The following RNF111 variants were observed in gnomAD, a reference collection of about 807,000 sequenced individuals.
RNF111 encodes the protein E3 ubiquitin-protein ligase Arkadia.
RNF111 carries 17 observed loss-of-function variants against 95.1 expected under a neutral mutation model. That is an observed-to-expected ratio of 0.18 (90% CI 0.12 to 0.27). RNF111 has a LOEUF of 0.27. Ranked by LOEUF, RNF111 falls within the 10% of genes least tolerant of loss-of-function variation. The pLI, the probability that RNF111 is intolerant of heterozygous loss-of-function variation, is 1.00. For missense variants in RNF111, 1,189 were observed against 1,210.4 expected (o/e 0.98, Z 0.26); for synonymous variants, 440 against 414.8 (o/e 1.06, Z -0.74).
chr15:59,023,213 A>C (rs1354138572), intron 1 of RNF111, among the ~76,000 whole-genome samples: 1 of 152,128 alleles, frequency 6.6e-6, no homozygotes, highest in African/African-American at 2.4e-5. Context: ...ACACCACTGC[A>C]CTCCCGCCTG....
intron 5 of RNF111, among the ~76,000 whole-genome samples, chr15:59,066,197 CAT>C (rs1490592807): frequency 1.3e-5 from 2 of 152,176 alleles, no homozygotes; most frequent in African/African-American, 4.8e-5. Context: ...CATAGGAAAA[CAT>C]GATCTATTGC....
intron 6 of RNF111, among the ~76,000 whole-genome samples, chr15:59,068,142 C>T (rs1313133961): frequency 6.6e-6 from 1 of 151,980 alleles, no homozygotes; most frequent in East Asian, 1.9e-4. Context: ...ATTGCTTGAA[C>T]CCGGGAGGCT....
At chr15:59,041,525 C>T (rs1366190355) in intron 2 of RNF111, among the ~76,000 whole-genome samples, 6 of 152,082 alleles carry the variant, frequency 3.9e-5, no homozygotes, top group African/African-American at 1.4e-4. Context: ...TGTGCCACTG[C>T]ACTCCAGCCT....
chr15:59,047,254 G>C (rs1319047093), intron 2 of RNF111, among the ~76,000 whole-genome samples: 5 of 152,188 alleles, frequency 3.3e-5, no homozygotes, highest in Non-Finnish European at 7.3e-5. Flanking sequence ...CTAGCACTTT[G>C]GGAGTCCAAG....
intron 1 of RNF111, among the ~76,000 whole-genome samples, chr15:58,999,376 C>T (rs2039226417): frequency 6.6e-6 from 1 of 152,122 alleles, no homozygotes; most frequent in South Asian, 2.1e-4. Flanking sequence ...CACACTGTCA[C>T]CCAGGCTGGA....
At chr15:59,092,671 T>A (rs761526904) in intron 13 of RNF111, 31 bp downstream of exon 13, 25 of 1,570,982 alleles carry the variant, frequency 1.6e-5, no homozygotes, top group Non-Finnish European at 2.1e-5. Context: ...TAAAATCCAT[T>A]GTCAAAACTG....
At chr15:59,004,721 A>G (rs1334468796) in intron 1 of RNF111, among the ~76,000 whole-genome samples, 1 of 152,222 alleles carries the variant, frequency 6.6e-6, no homozygotes, top group Non-Finnish European at 1.5e-5. Context: ...AAAGTTGCCC[A>G]AATATACATT....
chr15:59,021,223 T>C (rs1259515382), intron 1 of RNF111, among the ~76,000 whole-genome samples: 2 of 152,198 alleles, frequency 1.3e-5, no homozygotes, highest in Admixed American at 6.5e-5. Flanking sequence ...CGATCTCGGC[T>C]CACTGCAAAC....
chr15:59,063,635 A>G (rs1300621876), intron 5 of RNF111, among the ~76,000 whole-genome samples: 1 of 152,184 alleles, frequency 6.6e-6, no homozygotes, highest in African/African-American at 2.4e-5. Flanking sequence ...ATGAGAGGCT[A>G]ATTGGTTGTC....
chr15:59,092,646 T>G lies in RNF111; in HGVS notation c.2843+6T>G, dbSNP rs761046366. The G allele has an allele frequency of 1.3e-5, 21 of 1,600,892 alleles. 1 individual carries two copies. The Admixed American group carries it at 3.4e-4, about 26-fold the overall frequency. On this transcript the variant is annotated splice_donor_region_variant and intron_variant, in intron 13 of 13. Transcript: ENST00000348370. ...GAGGAAGGTGAAGATGTGAGGTAACTAGATATTAATTATCTAAAATCCATT... is the reference window on the plus strand; with the variant it reads ...GAGGAAGGTGAAGATGTGAGGTAACGAGATATTAATTATCTAAAATCCATT...
intron 1 of RNF111, among the ~76,000 whole-genome samples, chr15:59,013,716 G>A (rs373265980): frequency 1.4e-4 from 21 of 152,164 alleles, no homozygotes; most frequent in African/African-American, 4.1e-4. Context: ...ACGAGGGAGT[G>A]TCCACATAAA....
At chr15:59,035,392 C>A (rs1434874675) in intron 2 of RNF111, among the ~76,000 whole-genome samples, 1 of 152,164 alleles carries the variant, frequency 6.6e-6, no homozygotes, top group Non-Finnish European at 1.5e-5. Flanking sequence ...TCCAAAGTCT[C>A]ATCTGAGACA....
intron 1 of RNF111, among the ~76,000 whole-genome samples, chr15:59,007,557 A>G (rs1049959951): frequency 6.6e-6 from 1 of 152,192 alleles, no homozygotes; most frequent in Non-Finnish European, 1.5e-5. Flanking sequence ...CACGTTTTCC[A>G]ACTTAGGCAT....
chr15:58,992,156 T>C (rs890556358), intron 1 of RNF111, among the ~76,000 whole-genome samples: 10 of 152,196 alleles, frequency 6.6e-5, no homozygotes, highest in African/African-American at 2.4e-4. Context: ...GCAATTCTTC[T>C]GCGTCAGTCT....
chr15:59,051,602 C>T (rs2041986691), intron 2 of RNF111, among the ~76,000 whole-genome samples: 1 of 151,374 alleles, frequency 6.6e-6, no homozygotes, highest in Admixed American at 6.6e-5. Flanking sequence ...ATGGTGAAAC[C>T]CCATCTCTAC....
chr15:59,009,886 G>T (rs1249373365), intron 1 of RNF111, among the ~76,000 whole-genome samples: 2 of 152,172 alleles, frequency 1.3e-5, no homozygotes, highest in Non-Finnish European at 2.9e-5. Flanking sequence ...AGCCCAGGAA[G>T]TCAAGGCTGC....
intron 1 of RNF111, among the ~76,000 whole-genome samples, chr15:59,029,427 A>G (rs1165431001): frequency 6.6e-6 from 1 of 152,220 alleles, no homozygotes; most frequent in African/African-American, 2.4e-5. Flanking sequence ...ATAGCGCGTG[A>G]TGGCTGATCT....
chr15:58,997,324 C>A (rs921965045), intron 1 of RNF111, among the ~76,000 whole-genome samples: 2 of 152,076 alleles, frequency 1.3e-5, no homozygotes, highest in Non-Finnish European at 2.9e-5. Flanking sequence ...AGGAGGTCTA[C>A]CAGGTTGAAA....
At chr15:59,069,848 T>A (rs767470409) in intron 6 of RNF111, among the ~76,000 whole-genome samples, 1 of 152,054 alleles carries the variant, frequency 6.6e-6, no homozygotes, top group Non-Finnish European at 1.5e-5. Flanking sequence ...TTTGTGATTT[T>A]GTAGATATCT....
Sources: allele counts gnomAD v4.1 joint callset (sites outside exome capture counted in the v4.1 genomes callset), GRCh38; gene constraint gnomAD v4.1.1; transcripts MANE v1.5; gene names NCBI Gene and HGNC (gene_info 2026-07-23, HGNC 2026-07-21).